Variants in NUBP1 observed in about 807,000 individuals in gnomAD.
The protein encoded by NUBP1 is cytosolic Fe-S cluster assembly factor NUBP1.
In NUBP1, 46 loss-of-function variants were observed where a neutral mutation model predicts 41.8. That is an observed-to-expected ratio of 1.10 (90% CI 0.87 to 1.41). The LOEUF is 1.41. Ranked by LOEUF, NUBP1 falls within the 40% of genes most tolerant of loss-of-function variation. The probability of loss-of-function intolerance (pLI) is 0.00; values close to 1 mark genes in which losing one functional copy is unlikely to be tolerated. For synonymous variants in NUBP1, 189 were observed against 154.6 expected, an observed-to-expected ratio of 1.22 and a Z score of -1.65; for missense variants, 494 against 414.0, an observed-to-expected ratio of 1.19 and a Z score of -1.68.
In NUBP1 at chr16:10,755,761, T is replaced by C. The variant is rs771244746; in HGVS notation, c.360+8T>C. 3 of 1,613,798 alleles carry C rather than the reference T, an allele frequency of 1.9e-6. No homozygotes were observed. The highest frequency in any genetic ancestry group is 2.5e-6 in the Non-Finnish European group (3 of 1,179,658). On this transcript the variant is annotated splice_region_variant and intron_variant, in intron 5 of 10. Coordinates refer to ENST00000283027, the MANE Select transcript of NUBP1 (RefSeq NM_002484.4). ...TCAGGCTGGTCTCCAGTGGTGAGTT[T>C]TCACCTCTTTGCCCTATTTTCACAG...
intron 4 of NUBP1, among the ~76,000 whole-genome samples, chr16:10,755,265 G>C (rs549061234): frequency 5.3e-5 from 8 of 152,288 alleles, no homozygotes; most frequent in African/African-American, 1.4e-4. Flanking sequence ...GTTGCCCCAG[G>C]AAGCTCCCCT....
Position 10,759,282 on chromosome 16 carries a change from A to G in NUBP1, c.606+1255A>G, listed in dbSNP as rs1160887995. Among the ~76,000 whole-genome samples the G allele has an allele frequency of 6.6e-6, 1 of 152,164 alleles. No homozygotes were observed. The highest frequency in any genetic ancestry group is 1.5e-5 in the Non-Finnish European group (1 of 68,016). On this transcript the variant is annotated intron_variant, in intron 7 of 10. Coordinates refer to ENST00000283027, the MANE Select transcript of NUBP1 (RefSeq NM_002484.4). The surrounding 1 kb of genome is among the most constrained non-coding windows in gnomAD (Gnocchi z 4.7). ...CAATGGAGTGGCAGGCCCAGCGGCC[A>G]TGGGAAGGGTGTCCGGGTCAGAAAA...
rs191842057 is a variant in NUBP1, at chr16:10,750,791, C to T, written c.259-1819C>T. Among the ~76,000 whole-genome samples, 357 of 152,330 alleles carry T rather than the reference C, an allele frequency of 2.3e-3. 1 individual carries two copies. Among genetic ancestry groups the T allele is most frequent in the African/African-American group, 8.1e-3 (335 of 41,566 alleles). On this transcript the variant is annotated intron_variant, in intron 3 of 10. Coordinates refer to ENST00000283027, the MANE Select transcript of NUBP1 (RefSeq NM_002484.4). ...AGGACTAAATCCCTCTTCCCCTACC[C>T]TCCTCATCAGGGGCAGTTTGGGGTG...
rs148682429 is a variant in NUBP1 at position 10,750,882 on chromosome 16, G to A, written c.259-1728G>A. On this transcript the variant is annotated intron_variant, in intron 3 of 10. Transcript: ENST00000283027. ...CATCTCCACCTTCTGCAGCAAACGC[G>A]GCCTCTTCCCATCAGCTGCAAACAC... 6.8e-3 allele frequency among the ~76,000 whole-genome samples: 1,032 copies of A among 152,302 alleles called. 17 individuals carry two copies. Among genetic ancestry groups the A allele is most frequent in the African/African-American group, 0.024 (978 of 41,564 alleles).
intron 3 of NUBP1, among the ~76,000 whole-genome samples, chr16:10,751,486 G>A (rs974849520): frequency 6.6e-6 from 1 of 152,216 alleles, no homozygotes; most frequent in African/African-American, 2.4e-5. Context: ...TGCTGAGGAA[G>A]TAGGAGGCTG....
intron 9 of NUBP1, among the ~76,000 whole-genome samples, chr16:10,763,242 T>C (rs1258638369): frequency 1.3e-5 from 2 of 151,588 alleles, no homozygotes; most frequent in Non-Finnish European, 2.9e-5. Context: ...TTCATGTCCG[T>C]GCAGTTGAGT....
chr16:10,754,113 C>G (rs1900446041), intron 4 of NUBP1, among the ~76,000 whole-genome samples: 1 of 152,100 alleles, frequency 6.6e-6, no homozygotes, highest in African/African-American at 2.4e-5. Flanking sequence ...AGAAGTTTCC[C>G]TATTTTCTTC....
rs767345001 is a variant in NUBP1, at chr16:10,757,605, A to G, written c.452-268A>G. ...ACCCAAAATGTCTCCAGACATTGCAATTCACTCCCAGTTGAGAGCCACTGA... is the reference window on the plus strand; with the variant it reads ...ACCCAAAATGTCTCCAGACATTGCAGTTCACTCCCAGTTGAGAGCCACTGA... On this transcript the variant is annotated intron_variant, in intron 6 of 10. Coordinates refer to ENST00000283027, the MANE Select transcript of NUBP1 (RefSeq NM_002484.4). The surrounding 1 kb of genome is among the most constrained non-coding windows in gnomAD (Gnocchi z 4.1). Among the ~76,000 whole-genome samples, 71 of 152,110 alleles carry G rather than the reference A, an allele frequency of 4.7e-4. No individual in the cohort carries two copies. The highest frequency in any genetic ancestry group is 7.9e-4 in the Non-Finnish European group (54 of 68,016).
chr16:10,744,364 G>T (rs1376185269), intron 2 of NUBP1, among the ~76,000 whole-genome samples: 1 of 152,200 alleles, frequency 6.6e-6, no homozygotes, highest in Non-Finnish European at 1.5e-5. Context: ...TAAGAGGGTC[G>T]GGGCCAGAGG....
At chr16:10,755,660 A>G in intron 4 of NUBP1, 61 bp from the exon 5 acceptor site, 3 of 1,515,106 alleles carry the variant, frequency 2.0e-6, no homozygotes, top group South Asian at 1.1e-5. Flanking sequence ...TTGTCTGTGC[A>G]TGAAATGTGA....
At chr16:10,745,685 G>C (rs1900025051) in intron 2 of NUBP1, among the ~76,000 whole-genome samples, 1 of 152,208 alleles carries the variant, frequency 6.6e-6, no homozygotes, top group Non-Finnish European at 1.5e-5. Context: ...AGTAGGCCTC[G>C]TGGCAGGTAG....
intron 2 of NUBP1, among the ~76,000 whole-genome samples, 158 bp downstream of exon 2, chr16:10,744,223 G>A (rs143736338): frequency 6.6e-6 from 1 of 152,318 alleles, no homozygotes; most frequent in Non-Finnish European, 1.5e-5. Flanking sequence ...GGCGGGGCGT[G>A]GAAAGTGGGC....
Position 10,757,906 on chromosome 16 carries a change from G to C in NUBP1, c.485G>C (p.Trp162Ser), listed in dbSNP as rs751178101. 2 of 1,613,986 alleles carry C rather than the reference G, an allele frequency of 1.2e-6. No homozygotes were observed. The highest frequency in any genetic ancestry group is 2.7e-5 in the African/African-American group (2 of 74,898). ...MIKQFLRDVD[W>S]GEVDYLIVDT... ...AAGCAGTTCCTCCGAGATGTGGACT[G>C]GGGAGAGGTCGACTACCTCATTGTG... is the stretch of plus-strand genomic sequence containing the variant. Residue 162 changes from tryptophan (W) to serine (S), a missense_variant, in exon 7 of 11, where the codon TGG (tryptophan) becomes TCG (serine). Physicochemically the swap from Trp to Ser is radical, Grantham distance 177. Coordinates refer to ENST00000283027, the MANE Select transcript of NUBP1 (RefSeq NM_002484.4). This position sits in a 1 kb window ranked among gnomAD's most constrained non-coding sequence, Gnocchi z 4.1.
In NUBP1 at chr16:10,749,120, G is replaced by GACACACAGACACACAC. The variant is rs777149995; in HGVS notation, c.258+1849_258+1850insCAGACACACACACACA. On this transcript the variant is annotated intron_variant, in intron 3 of 10. Transcript: ENST00000283027. The surrounding 1 kb of genome is among the most constrained non-coding windows in gnomAD (Gnocchi z 4.1). ...AAAAAAGGATATAGATAGATACACA[G>GACACACAGACACACAC]ACACATACACACACACACACACACA... 1.1e-5 allele frequency among the ~76,000 whole-genome samples: 1 copy of GACACACAGACACACAC among 92,342 alleles called. No individual in the cohort carries two copies. Among genetic ancestry groups the GACACACAGACACACAC allele is most frequent in the African/African-American group, 3.9e-5 (1 of 25,744 alleles). 60.6% of individuals were successfully genotyped at this position (92,342 alleles called of 152,430 possible). A position where few individuals can be genotyped will look rare whatever the true frequency, so the allele number is the denominator to read the frequency against.
At chr16:10,761,692 A>G in intron 8 of NUBP1, 65 bp from the exon 9 acceptor site, 1 of 1,277,578 alleles carries the variant, frequency 7.8e-7, no homozygotes, top group Non-Finnish European at 1.1e-6. Context: ...TTTCTTTAAA[A>G]TGTGGTCCAT....
intron 4 of NUBP1, among the ~76,000 whole-genome samples, chr16:10,753,110 G>T (rs1205701983): frequency 1.6e-5 from 2 of 126,460 alleles, no homozygotes; most frequent in Non-Finnish European, 3.1e-5. Flanking sequence ...TGTTTATGTG[G>T]ACATGAGGAG....
chr16:10,768,745 A>G lies in NUBP1; in HGVS notation c.905-302A>G, dbSNP rs113469969. On this transcript the variant is annotated intron_variant, in intron 10 of 10. Coordinates refer to ENST00000283027, the MANE Select transcript of NUBP1 (RefSeq NM_002484.4). The surrounding 1 kb of genome is among the most constrained non-coding windows in gnomAD (Gnocchi z 4.3). The stretch of plus-strand genomic sequence containing the variant: ...GTGTTTGTTAAAGCTGTGGTCTCTG[A>G]GTTTGTGGCTGGGTTTTACTTGCCT... 15,644 of 314,686 alleles carry G rather than the reference A, an allele frequency of 0.05. 499 individuals carry two copies. Among genetic ancestry groups the G allele is most frequent in the Middle Eastern group, 0.078 (91 of 1,166 alleles). 19.5% of individuals were successfully genotyped at this position (314,686 alleles called of 1,614,324 possible).
chr16:10,753,415 G>A (rs1900413967), intron 4 of NUBP1, among the ~76,000 whole-genome samples: 2 of 152,136 alleles, frequency 1.3e-5, no homozygotes, highest in South Asian at 2.1e-4. Context: ...GCGGGTGAGC[G>A]ATGTGGGCTG....
chr16:10,750,700 A>G (rs1321609817), intron 3 of NUBP1, among the ~76,000 whole-genome samples: 31 of 152,224 alleles, frequency 2.0e-4, no homozygotes, highest in Admixed American at 2.0e-3. Context: ...CAGTTGTCTC[A>G]CAGATCAGAA....
Sources: allele counts gnomAD v4.1 joint callset (sites outside exome capture counted in the v4.1 genomes callset), GRCh38; gene constraint gnomAD v4.1.1; non-coding constraint Gnocchi (gnomAD v3.1); transcripts MANE v1.5; gene names NCBI Gene and HGNC (gene_info 2026-07-23, HGNC 2026-07-21).